ADAM9: variants seen among roughly 807,000 people sequenced by gnomAD.
ADAM9 encodes disintegrin and metalloproteinase domain-containing protein 9.
Under a neutral mutation model 108.1 loss-of-function variants are expected in ADAM9, and 54 were observed. The ratio of observed to expected loss-of-function variants is 0.50; its 90% CI spans 0.40 to 0.63. The LOEUF is 0.63. Among genes scored for constraint, ADAM9 ranks in the 20% least tolerant of loss-of-function variants. ADAM9 has a pLI of 0.00. For missense variants in ADAM9, 830 were observed against 997.7 expected (o/e 0.83, Z 2.26); for synonymous variants, 316 against 336.0 (o/e 0.94, Z 0.65).
intron 14 of ADAM9, among the ~76,000 whole-genome samples, chr8:39,061,188 T>C (rs1213416249): frequency 6.6e-6 from 1 of 152,356 alleles, no homozygotes; most frequent in East Asian, 1.9e-4. Flanking sequence ...TTTGGCTTAC[T>C]ATTTTCCTAG....
chr8:39,091,817 G>A (rs1220410044), intron 20 of ADAM9, among the ~76,000 whole-genome samples: 2 of 152,196 alleles, frequency 1.3e-5, no homozygotes, highest in East Asian at 1.9e-4. Context: ...AACCAGCGGA[G>A]TCCTTGGCTC....
chr8:39,092,265 T>G (rs977338879), intron 20 of ADAM9, among the ~76,000 whole-genome samples: 1 of 152,118 alleles, frequency 6.6e-6, no homozygotes, highest in Non-Finnish European at 1.5e-5. Context: ...TCGATAGATA[T>G]AGCTGTGATT....
At chr8:39,034,809 C>CT (rs567548651) in intron 11 of ADAM9, among the ~76,000 whole-genome samples, 196 of 148,832 alleles carry the variant, frequency 1.3e-3, no homozygotes, top group Middle Eastern at 3.5e-3. Context: ...TGTCTTTAAA[C>CT]TTTTTTTTTT....
intron 11 of ADAM9, among the ~76,000 whole-genome samples, chr8:39,036,485 G>C (rs932991960): frequency 6.7e-6 from 1 of 150,112 alleles, no homozygotes; most frequent in African/African-American, 2.4e-5. Flanking sequence ...TTTTTTTTTT[G>C]TCATTTCCAT....
intron 7 of ADAM9, among the ~76,000 whole-genome samples, chr8:39,019,546 T>A (rs1836665399): frequency 6.6e-6 from 1 of 152,242 alleles, no homozygotes; most frequent in South Asian, 2.1e-4. Flanking sequence ...TTGCTTTTTT[T>A]ATTGATATAT....
Position 39,045,200 on chromosome 8 carries a change from G to A in ADAM9, c.1302+3083G>A, listed in dbSNP as rs1257285023. ...TATATGTGTATACATACATATATGT[G>A]TATATATGTGTATACATACATATAT... On this transcript the variant is annotated intron_variant, in intron 12 of 21. Transcript: ENST00000487273. 1.6e-5 allele frequency among the ~76,000 whole-genome samples: 2 copies of A among 122,546 alleles called. 1 individual carries two copies. Among genetic ancestry groups the A allele is most frequent in the Non-Finnish European group, 3.8e-5 (2 of 52,848 alleles). 80.4% of individuals were successfully genotyped at this position (122,546 alleles called of 152,430 possible).
chr8:39,103,565 C>G (rs1384884736), intron 21 of ADAM9, 42 bp from the exon 22 acceptor site: 1 of 1,565,504 alleles, frequency 6.4e-7, no homozygotes, highest in Admixed American at 1.7e-5. Flanking sequence ...ATTATTTCAC[C>G]CAGTCTAAAC....
chr8:39,062,594 A>G (rs1425961821), intron 14 of ADAM9, among the ~76,000 whole-genome samples: 1 of 152,144 alleles, frequency 6.6e-6, no homozygotes, highest in East Asian at 1.9e-4. Flanking sequence ...GCTCTCCATT[A>G]TGCCAACCTT....
intron 11 of ADAM9, among the ~76,000 whole-genome samples, chr8:39,036,900 C>CA: frequency 6.6e-6 from 1 of 150,468 alleles, no homozygotes; most frequent in South Asian, 2.1e-4. Context: ...GCTGAAGGAT[C>CA]AAGCATTTGA....
rs62643678 is a variant in ADAM9, at chr8:39,045,155, T to C, written c.1302+3038T>C. 7.9e-4 allele frequency among the ~76,000 whole-genome samples: 86 copies of C among 108,584 alleles called. 7 individuals carry two copies. In the East Asian group the frequency reaches 8.0e-3, roughly 10 times the overall value. The allele number at this position is 108,584 out of a possible 152,430, so 71.2% of individuals were successfully genotyped here. A position where few individuals can be genotyped will look rare whatever the true frequency, so the allele number is the denominator to read the frequency against. On this transcript the variant is annotated intron_variant, in intron 12 of 21. Transcript: ENST00000487273. The stretch of plus-strand genomic sequence containing the variant: ...ACATACATATATGTGTATATATGTG[T>C]ATACATACATATATGTGTATATATG...
intron 12 of ADAM9, among the ~76,000 whole-genome samples, chr8:39,043,736 C>G (rs963977012): frequency 1.3e-5 from 2 of 151,990 alleles, no homozygotes; most frequent in Non-Finnish European, 2.9e-5. Flanking sequence ...AAATAGTGAA[C>G]ATTGTACCCA....
rs754936011 is a variant in ADAM9 at position 39,023,226 on chromosome 8, A to T, written c.815A>T (p.Asn272Ile). ...LEIWTNGNLI[N>I]IVGGAGDVLG... ...ATTTGGACCAATGGAAACCTGATCA[A>T]CATAGTTGGGGGTGCTGGTGATGTG... Residue 272 changes from asparagine to isoleucine, a missense_variant, in exon 9 of 22, where the codon AAC becomes ATC. Around this residue, in one of 3 missense-constraint regions of ADAM9, gnomAD observed 381 missense variants for 539.8 expected, o/e 0.71. Coordinates refer to ENST00000487273, the MANE Select transcript of ADAM9 (RefSeq NM_003816.3). The T allele has an allele frequency of 1.2e-6, 2 of 1,613,888 alleles. No individual in the cohort carries two copies. The highest frequency in any genetic ancestry group is 4.5e-5 in the East Asian group (2 of 44,872).
intron 14 of ADAM9, among the ~76,000 whole-genome samples, chr8:39,070,693 G>C (rs1481472207): frequency 1.3e-5 from 2 of 151,424 alleles, no homozygotes; most frequent in African/African-American, 4.9e-5. Context: ...AAGAGTTCAA[G>C]GTTACAGTAA....
chr8:39,026,844 G>A lies in ADAM9; in HGVS notation c.1130+34G>A, dbSNP rs372438439. Reference sequence around the variant, plus strand: ...CTGGGTTCTTCTTCTCCTTTATTTGGTATTGTAGATCCATGTTTCTTACAC... The same window carrying A: ...CTGGGTTCTTCTTCTCCTTTATTTGATATTGTAGATCCATGTTTCTTACAC... On this transcript the variant is annotated intron_variant, in intron 11 of 21. Transcript: ENST00000487273. The A allele has an allele frequency of 1.8e-4, 288 of 1,612,098 alleles. 3 individuals are homozygous for A. The Middle Eastern group carries it at 2.0e-3, about 11-fold the overall frequency.
At chr8:39,002,144 G>C (rs1328454136) in intron 1 of ADAM9, among the ~76,000 whole-genome samples, 4 of 149,202 alleles carry the variant, frequency 2.7e-5, no homozygotes, top group Admixed American at 2.0e-4. Flanking sequence ...TTCTCTACAA[G>C]AAATACTTTG....
intron 16 of ADAM9, among the ~76,000 whole-genome samples, chr8:39,079,013 C>T (rs573815779): frequency 2.6e-5 from 4 of 152,052 alleles, no homozygotes; most frequent in East Asian, 1.9e-4. Flanking sequence ...ATATTCCAGA[C>T]GAGGTGAGAG....
At chr8:39,018,637 T>C (rs1373967805) in intron 6 of ADAM9, 8 of 572,666 alleles carry the variant, frequency 1.4e-5, no homozygotes, top group Non-Finnish European at 2.2e-5. Flanking sequence ...TAGTTTATCA[T>C]CACTTAAAGT....
chr8:39,009,770 T>C (rs750199588), intron 2 of ADAM9, among the ~76,000 whole-genome samples: 7 of 152,138 alleles, frequency 4.6e-5, no homozygotes, highest in African/African-American at 9.7e-5. Context: ...AAAGTATTTA[T>C]TGAGTTACTA....
chr8:39,103,721 C>G lies in ADAM9; in HGVS notation c.*21C>G. 6.2e-7 allele frequency: 1 copy of G among 1,601,270 alleles called. No individual in the cohort carries two copies. The highest frequency in any genetic ancestry group is 8.6e-7 in the Non-Finnish European group (1 of 1,168,642). On this transcript the variant is annotated 3_prime_UTR_variant, in exon 22 of 22. Coordinates refer to ENST00000487273, the MANE Select transcript of ADAM9 (RefSeq NM_003816.3). ...CTTGATTTTTTTAACCTTCTTTTTG[C>G]AAATGTCTTCAGGGAACTGAGCTAA...
Sources: allele counts gnomAD v4.1 joint callset (sites outside exome capture counted in the v4.1 genomes callset), GRCh38; gene constraint gnomAD v4.1.1; regional missense constraint gnomAD v4.1.1; transcripts MANE v1.5; gene names NCBI Gene and HGNC (gene_info 2026-07-23, HGNC 2026-07-21).